Variants in ZNF169 observed in about 807,000 individuals in gnomAD.
ZNF169 encodes the protein zinc finger protein 169.
In ZNF169, 11 loss-of-function variants were observed where a neutral mutation model predicts 12.0. That is an observed-to-expected ratio of 0.92 (90% confidence interval 0.58 to 1.52). The LOEUF is 1.52. Ranked by LOEUF, ZNF169 falls within the 40% of genes most tolerant of loss-of-function variation. The probability of loss-of-function intolerance (pLI) is 0.00; values close to 1 mark genes in which losing one functional copy is unlikely to be tolerated. For missense variants in ZNF169, 722 were observed against 744.0 expected (o/e 0.97, Z 0.34); for synonymous variants, 302 against 286.5 (o/e 1.05, Z -0.55).
At position 94,301,190 on chromosome 9, in the gene ZNF169, C is replaced by T. The variant is rs367737823; in HGVS notation, c.1632C>T (p.Cys544=). The change falls in exon 5 of 5, where the codon TGC becomes TGT. Residue 544 remains cysteine, a synonymous_variant. Transcript: ENST00000395395. ...RTHSGEKPCI[C]DECGRGFGFK... The stretch of plus-strand genomic sequence containing the variant: ...ACTCAGGAGAGAAGCCCTGCATTTG[C>T]GATGAATGTGGGCGCGGCTTTGGCT... 2.1e-4 allele frequency: 337 copies of T among 1,614,196 alleles called. 2 individuals are homozygous for T. In the South Asian group the frequency reaches 3.4e-3, roughly 16 times the overall value.
chr9:94,301,148 C>T lies in ZNF169; in HGVS notation c.1590C>T (p.Ile530=), dbSNP rs546024678. The T allele has an allele frequency of 6.2e-7, 1 of 1,613,950 alleles. No individual in the cohort carries two copies. ...GACTTGGCCAGAAGTCACACCTTAT[C>T]TCTGACCAAAGGACACACTCAGGAG... ...GQGLGQKSHL[I]SDQRTHSGEK... Residue 530 remains isoleucine (I), a synonymous_variant, in exon 5 of 5, where the codon ATC becomes ATT. Coordinates refer to ENST00000395395, the MANE Select transcript of ZNF169 (RefSeq NM_194320.4).
At chr9:94,293,108 G>A (rs552494914) in intron 4 of ZNF169, 39 bp downstream of exon 4, 4 of 1,558,534 alleles carry the variant, frequency 2.6e-6, no homozygotes, top group African/African-American at 1.4e-5. Flanking sequence ...GTGCAGGGCA[G>A]TGAGGAGCTC....
At chr9:94,268,750 C>T (rs7029268) in intron 1 of ZNF169, among the ~76,000 whole-genome samples, 11,166 of 144,960 alleles carry the variant, frequency 0.077, 577 homozygotes, top group Middle Eastern at 0.13. Flanking sequence ...CACACCACCG[C>T]ACTCCAGCCT....
chr9:94,293,347 A>C (rs1830887088), intron 4 of ZNF169: 1 of 592,982 alleles, frequency 1.7e-6, no homozygotes, highest in African/African-American at 1.9e-5. Flanking sequence ...TCTTGGGCTC[A>C]TGTGGTTGGC....
At position 94,300,311 on chromosome 9, in the gene ZNF169, G is replaced by A; in HGVS notation, c.753G>A (p.Lys251=). ...TTTGCCAGAGATCAGACCTTATCAA[G>A]CACCAGAGGACACACACCGGGGAGA... ...RGFCQRSDLI[K]HQRTHTGEKP... The change falls in exon 5 of 5, where the codon AAG becomes AAA. Residue 251 remains lysine (K), a synonymous_variant. Transcript: ENST00000395395. The A allele has an allele frequency of 6.2e-7, 1 of 1,614,186 alleles. No homozygotes were observed. Among genetic ancestry groups the A allele is most frequent in the East Asian group, 2.2e-5 (1 of 44,880 alleles).
At chr9:94,275,692 G>A (rs1447195443) in intron 1 of ZNF169, among the ~76,000 whole-genome samples, 3 of 151,904 alleles carry the variant, frequency 2.0e-5, no homozygotes, top group African/African-American at 4.8e-5. Flanking sequence ...AATAGGAGTC[G>A]TGGGGGCATC....
chr9:94,262,678 C>A lies in ZNF169; in HGVS notation c.-56+3333C>A, dbSNP rs193105013. 6.8e-3 allele frequency among the ~76,000 whole-genome samples: 1,039 copies of A among 152,142 alleles called. 5 individuals carry two copies. Among genetic ancestry groups the A allele is most frequent in the Non-Finnish European group, 9.9e-3 (673 of 68,002 alleles). ...GTTTTACCATGTTGGCCAGGATGGT[C>A]TTGATCTCCTAACCTCGTGATCCGC... is the stretch of plus-strand genomic sequence containing the variant. On this transcript the variant is annotated intron_variant, in intron 1 of 4. Transcript: ENST00000395395.
intron 1 of ZNF169, among the ~76,000 whole-genome samples, chr9:94,260,564 G>A (rs1830185630): frequency 6.6e-6 from 1 of 152,118 alleles, no homozygotes; most frequent in Non-Finnish European, 1.5e-5. Context: ...GTTGAGAAGG[G>A]CTTGCCTGGA....
chr9:94,299,771 A>C, intron 4 of ZNF169, 44 bp from the exon 5 acceptor site: 2 of 1,558,604 alleles, frequency 1.3e-6, no homozygotes, highest in Non-Finnish European at 1.7e-6. Flanking sequence ...ATTACAATCC[A>C]TGGTCACCTG....
At chr9:94,286,184 A>G (rs1014083417) in intron 2 of ZNF169, among the ~76,000 whole-genome samples, 2 of 152,184 alleles carry the variant, frequency 1.3e-5, no homozygotes, top group Non-Finnish European at 2.9e-5. Context: ...TCTCTGATAG[A>G]CAACATTTAA....
intron 1 of ZNF169, among the ~76,000 whole-genome samples, chr9:94,260,951 C>A (rs899138244): frequency 5.3e-5 from 8 of 150,954 alleles, no homozygotes; most frequent in African/African-American, 1.7e-4. Flanking sequence ...TCCTGAGTAG[C>A]TGGTACCACA....
At chr9:94,260,854 T>TG (rs1830191975) in intron 1 of ZNF169, among the ~76,000 whole-genome samples, 1 of 116,766 alleles carries the variant, frequency 8.6e-6, no homozygotes, top group Non-Finnish European at 1.8e-5. Flanking sequence ...GAAGTCTCAC[T>TG]CTGTCGCCCA....
At chr9:94,292,533 C>A in intron 3 of ZNF169, 66 bp downstream of exon 3, 1 of 1,561,540 alleles carries the variant, frequency 6.4e-7, no homozygotes, top group Non-Finnish European at 8.7e-7. Context: ...ACATAGCAAG[C>A]TGCCATGCTT....
At chr9:94,278,502 C>T (rs1379847581) in intron 1 of ZNF169, among the ~76,000 whole-genome samples, 2 of 152,152 alleles carry the variant, frequency 1.3e-5, no homozygotes, top group Non-Finnish European at 2.9e-5. Context: ...TAATGGAGTC[C>T]ACACAAAGTC....
intron 1 of ZNF169, among the ~76,000 whole-genome samples, chr9:94,266,964 A>G (rs1303418045): frequency 6.7e-6 from 1 of 149,104 alleles, no homozygotes; most frequent in African/African-American, 2.5e-5. Context: ...GCTGGAGTGC[A>G]GTGGCGCGAT....
chr9:94,261,898 G>C (rs1264567524), intron 1 of ZNF169, among the ~76,000 whole-genome samples: 1 of 152,088 alleles, frequency 6.6e-6, no homozygotes, highest in Non-Finnish European at 1.5e-5. Flanking sequence ...CATAAATAAG[G>C]AATTTAAAGA....
chr9:94,271,701 A>C (rs919311441), intron 1 of ZNF169, among the ~76,000 whole-genome samples: 2 of 137,864 alleles, frequency 1.5e-5, no homozygotes, highest in African/African-American at 5.6e-5. Context: ...GCCTGTCGAC[A>C]GGGCAAGACT....
chr9:94,265,064 A>G (rs1420118141), intron 1 of ZNF169, among the ~76,000 whole-genome samples: 4 of 120,254 alleles, frequency 3.3e-5, no homozygotes, highest in African/African-American at 1.3e-4. Flanking sequence ...GTACTTTGGG[A>G]ATTGCCAGAT....
chr9:94,295,703 T>C (rs958020286), intron 4 of ZNF169: 4 of 152,270 alleles, frequency 2.6e-5, no homozygotes, highest in Non-Finnish European at 4.4e-5. Context: ...GAATTTTATC[T>C]ATAATGTGTG....
Sources: gnomAD v4.1 joint callset for allele counts (sites outside exome capture counted in the v4.1 genomes callset) on GRCh38, gnomAD v4.1.1 for gene constraint, MANE v1.5 for transcripts, NCBI Gene and HGNC (gene_info 2026-07-23, HGNC 2026-07-21) for gene names.